The following KCNJ16 variants were observed in gnomAD, a reference collection of about 807,000 sequenced individuals.
KCNJ16 encodes the protein potassium inwardly rectifying channel subfamily J member 16.
KCNJ16 carries 15 observed loss-of-function variants against 18.5 expected under a neutral mutation model. The ratio of observed to expected loss-of-function variants is 0.81; its 90% CI spans 0.54 to 1.25. KCNJ16 has a LOEUF of 1.25. Ranked by LOEUF, KCNJ16 falls within the 50% of genes most tolerant of loss-of-function variation. The pLI is 0.00. For missense variants in KCNJ16, 523 were observed against 525.7 expected, an observed-to-expected ratio of 0.99 and a Z score of 0.05; for synonymous variants, 174 against 186.5, an observed-to-expected ratio of 0.93 and a Z score of 0.55.
At chr17:70,111,985 T>C (rs529551530) in intron 2 of KCNJ16, among the ~76,000 whole-genome samples, 7 of 152,178 alleles carry the variant, frequency 4.6e-5, no homozygotes, top group Non-Finnish European at 7.3e-5. Flanking sequence ...AATCTCAATG[T>C]GTTGCTTTCA....
At chr17:70,119,853 T>C (rs150548201) in intron 2 of KCNJ16, among the ~76,000 whole-genome samples, 14 of 152,356 alleles carry the variant, frequency 9.2e-5, no homozygotes, top group African/African-American at 3.1e-4. Flanking sequence ...GTTATGCACA[T>C]ATCTCTAGCA....
chr17:70,123,989 A>C (rs192786776), intron 2 of KCNJ16, among the ~76,000 whole-genome samples: 4 of 152,234 alleles, frequency 2.6e-5, no homozygotes, highest in Admixed American at 2.6e-4. Context: ...ATAACTTCTT[A>C]TGGAAACCAG....
At chr17:70,123,687 T>C (rs1378269885) in intron 2 of KCNJ16, among the ~76,000 whole-genome samples, 2 of 151,376 alleles carry the variant, frequency 1.3e-5, no homozygotes, top group Non-Finnish European at 2.9e-5. Flanking sequence ...CAGATGCTGA[T>C]TCCATGCAGC....
At chr17:70,110,631 A>T (rs1048408455) in intron 2 of KCNJ16, among the ~76,000 whole-genome samples, 1 of 152,186 alleles carries the variant, frequency 6.6e-6, no homozygotes, top group African/African-American at 2.4e-5. Context: ...AGGAAGCTTC[A>T]TGCTTGCTGC....
chr17:70,088,089 C>T (rs1269206755), intron 1 of KCNJ16, among the ~76,000 whole-genome samples: 2 of 150,932 alleles, frequency 1.3e-5, no homozygotes, highest in East Asian at 3.9e-4. Flanking sequence ...TAGGCCAAGG[C>T]ACCTCACCAC....
In KCNJ16 at chr17:70,133,851, T is replaced by C. The variant is rs2074147995; in HGVS notation, c.*507T>C. 5.9e-6 allele frequency: 1 copy of C among 168,286 alleles called. No homozygotes were observed. Among genetic ancestry groups the C allele is most frequent in the Non-Finnish European group, 1.5e-5 (1 of 68,954 alleles). 10.4% of individuals were successfully genotyped at this position (168,286 alleles called of 1,614,324 possible). A position where few individuals can be genotyped will look rare whatever the true frequency, so the allele number is the denominator to read the frequency against. On this transcript the variant is annotated 3_prime_UTR_variant, in exon 4 of 4. Coordinates refer to ENST00000392671, the MANE Select transcript of KCNJ16 (RefSeq NM_170741.4). ...GTAACTGTGAAATCAGCTCACCAGT[T>C]CAAGTCACTAGGTTTGCCACTTGGA...
intron 2 of KCNJ16, among the ~76,000 whole-genome samples, chr17:70,116,415 TAATAATTTCTTTAGAAA>T (rs1489668883): frequency 6.6e-6 from 1 of 152,180 alleles, no homozygotes. Flanking sequence ...TATTCATCCG[TAATAATTTCTTTAGAAA>T]AAAATTGCTG....
intron 1 of KCNJ16, among the ~76,000 whole-genome samples, chr17:70,084,792 T>C (rs2071719815): frequency 6.6e-6 from 1 of 152,182 alleles, no homozygotes; most frequent in Admixed American, 6.5e-5. Context: ...AAATGACAGA[T>C]ACGTTAAGAA....
At chr17:70,119,401 C>A (rs1196031074) in intron 2 of KCNJ16, among the ~76,000 whole-genome samples, 1 of 152,160 alleles carries the variant, frequency 6.6e-6, no homozygotes, top group Non-Finnish European at 1.5e-5. Flanking sequence ...CCCATGTTTC[C>A]CCTCTGCCCT....
intron 2 of KCNJ16, among the ~76,000 whole-genome samples, chr17:70,110,844 C>G (rs1249831746): frequency 1.3e-5 from 2 of 152,140 alleles, no homozygotes; most frequent in Non-Finnish European, 2.9e-5. Flanking sequence ...AGCACCCCTC[C>G]CATGTCTCAG....
chr17:70,081,056 G>C (rs2071531693), intron 1 of KCNJ16, among the ~76,000 whole-genome samples: 1 of 152,130 alleles, frequency 6.6e-6, no homozygotes, highest in Admixed American at 6.5e-5. Context: ...AGTTCTATTT[G>C]TTTATTTTAT....
rs368154668 is a variant in KCNJ16 at position 70,132,063 on chromosome 17, T to C, written c.-25T>C. 457 of 1,613,874 alleles carry C rather than the reference T, an allele frequency of 2.8e-4. No homozygotes were observed. The highest frequency in any genetic ancestry group is 4.9e-4 in the Middle Eastern group (3 of 6,062). On this transcript the variant is annotated 5_prime_UTR_variant, in exon 4 of 4. Coordinates refer to ENST00000392671, the MANE Select transcript of KCNJ16 (RefSeq NM_170741.4). ...AATTCTTACTACTACAAAACTCACC[T>C]GGATCCCTAAGGGCACAGCAAAGAA...
chr17:70,116,013 A>G (rs1046675267), intron 2 of KCNJ16, among the ~76,000 whole-genome samples: 1 of 152,204 alleles, frequency 6.6e-6, no homozygotes, highest in African/African-American at 2.4e-5. Flanking sequence ...TCAAAGTATT[A>G]ACTGAAAACA....
intron 1 of KCNJ16, among the ~76,000 whole-genome samples, chr17:70,078,696 C>A (rs2071419795): frequency 6.6e-6 from 1 of 152,052 alleles, no homozygotes; most frequent in Non-Finnish European, 1.5e-5. Flanking sequence ...ACAAAGATAA[C>A]AAAGATCTGG....
chr17:70,123,585 C>T (rs926271701), intron 2 of KCNJ16, among the ~76,000 whole-genome samples: 10 of 152,250 alleles, frequency 6.6e-5, no homozygotes, highest in East Asian at 5.8e-4. Flanking sequence ...AGCTATTATG[C>T]GCTTTCATTT....
rs1014032941 is a variant in KCNJ16 at position 70,134,481 on chromosome 17, G to A, written c.*1137G>A. ...TTGTGAGATAGAATTCAATTAAAGC[G>A]ATTTGAATGCACAGTAAGTGGATAA... On this transcript the variant is annotated 3_prime_UTR_variant, in exon 4 of 4. Coordinates refer to ENST00000392671, the MANE Select transcript of KCNJ16 (RefSeq NM_170741.4). The A allele has an allele frequency of 1.8e-5, 3 of 166,940 alleles. No individual in the cohort carries two copies. Among genetic ancestry groups the A allele is most frequent in the Non-Finnish European group, 2.9e-5 (2 of 68,116 alleles). 10.3% of individuals were successfully genotyped at this position (166,940 alleles called of 1,614,324 possible). A position where few individuals can be genotyped will look rare whatever the true frequency, so the allele number is the denominator to read the frequency against.
chr17:70,130,680 C>G (rs141694824), intron 2 of KCNJ16, among the ~76,000 whole-genome samples, 199 bp from the exon 3 acceptor site: 1 of 152,230 alleles, frequency 6.6e-6, no homozygotes, highest in African/African-American at 2.4e-5. Context: ...CTGGTTAGTT[C>G]CAAGGGGTCT....
chr17:70,087,427 C>A (rs1017705945), intron 1 of KCNJ16, among the ~76,000 whole-genome samples: 3 of 152,114 alleles, frequency 2.0e-5, no homozygotes, highest in Admixed American at 2.0e-4. Context: ...GGAGGCCAGG[C>A]GCGGTAGCTC....
chr17:70,134,920 T>C lies in KCNJ16; in HGVS notation c.*1576T>C, dbSNP rs2074175876. 1 of 166,632 alleles carries C rather than the reference T, an allele frequency of 6.0e-6. No homozygotes were observed. The highest frequency in any genetic ancestry group is 2.1e-4 in the South Asian group (1 of 4,828). 10.3% of individuals were successfully genotyped at this position (166,632 alleles called of 1,614,324 possible). A position where few individuals can be genotyped will look rare whatever the true frequency, so the allele number is the denominator to read the frequency against. On this transcript the variant is annotated 3_prime_UTR_variant, in exon 4 of 4. Coordinates refer to ENST00000392671, the MANE Select transcript of KCNJ16 (RefSeq NM_170741.4). Reference sequence around the variant, plus strand: ...GGTATAGGTAGATAGAGTGCCTTTCTGTTTCTTTTCTTTTCTTTTTTCTTT... The same window carrying C: ...GGTATAGGTAGATAGAGTGCCTTTCCGTTTCTTTTCTTTTCTTTTTTCTTT...
Sources: allele counts gnomAD v4.1 joint callset (sites outside exome capture counted in the v4.1 genomes callset), GRCh38; gene constraint gnomAD v4.1.1; transcripts MANE v1.5; gene names NCBI Gene and HGNC (gene_info 2026-07-23, HGNC 2026-07-21).